Variants in MAD1L1 observed in about 807,000 individuals in gnomAD.
MAD1L1 encodes the protein mitotic arrest deficient 1 like 1, also known as mitotic spindle assembly checkpoint protein MAD1.
MAD1L1 carries 95 observed loss-of-function variants against 96.9 expected under a neutral mutation model. The observed-to-expected ratio is 0.98, with a 90% CI of 0.83 to 1.16. The LOEUF is 1.16. Among genes scored for constraint, MAD1L1 ranks in the 50% most tolerant of loss-of-function variants. The probability of loss-of-function intolerance (pLI) is 0.00; values close to 1 mark genes in which losing one functional copy is unlikely to be tolerated. For synonymous variants in MAD1L1, 473 were observed against 396.6 expected, an observed-to-expected ratio of 1.19 and a Z score of -2.29; for missense variants, 1,007 against 954.4, an observed-to-expected ratio of 1.06 and a Z score of -0.73.
intron 13 of MAD1L1, among the ~76,000 whole-genome samples, chr7:2,008,399 C>T (rs1782132997): frequency 6.6e-6 from 1 of 152,224 alleles, no homozygotes; most frequent in African/African-American, 2.4e-5. Context: ...CAGTCACCTT[C>T]GGGGGACACA....
chr7:1,826,627 G>A (rs1189709806), intron 18 of MAD1L1, among the ~76,000 whole-genome samples: 1 of 152,228 alleles, frequency 6.6e-6, no homozygotes, highest in Non-Finnish European at 1.5e-5. Context: ...GGGCCCAAAA[G>A]AGGCCTCGCA....
chr7:1,940,245 AGGC>A (rs1162628099), intron 16 of MAD1L1: 1 of 152,206 alleles, frequency 6.6e-6, no homozygotes, highest in Non-Finnish European at 1.5e-5. Context: ...GGGGAGAGGG[AGGC>A]GGCAGCCCTG....
intron 11 of MAD1L1, among the ~76,000 whole-genome samples, chr7:2,141,452 T>G (rs1044384754): frequency 6.6e-6 from 1 of 152,082 alleles, no homozygotes; most frequent in African/African-American, 2.4e-5. Flanking sequence ...CAGACCATAC[T>G]GGGGGGCCAC....
intron 18 of MAD1L1, among the ~76,000 whole-genome samples, chr7:1,834,060 T>A (rs1782831791): frequency 6.6e-6 from 1 of 152,182 alleles, no homozygotes; most frequent in Non-Finnish European, 1.5e-5. Flanking sequence ...ATGTGGAAAC[T>A]AACACACTTC....
intron 17 of MAD1L1, among the ~76,000 whole-genome samples, chr7:1,903,150 A>T (rs1172844070): frequency 6.6e-6 from 1 of 150,784 alleles, no homozygotes; most frequent in African/African-American, 2.5e-5. Context: ...CTCATGATTG[A>T]TCCAGCACTG....
At chr7:2,218,147 T>C in intron 6 of MAD1L1, 104 bp from the exon 7 acceptor site, 1 of 845,036 alleles carries the variant, frequency 1.2e-6, no homozygotes, top group South Asian at 1.4e-5. Context: ...ATACGTTCAT[T>C]CCCACCCCAA....
At chr7:1,960,543 A>T (rs947114763) in intron 15 of MAD1L1, among the ~76,000 whole-genome samples, 1 of 152,236 alleles carries the variant, frequency 6.6e-6, no homozygotes, top group Non-Finnish European at 1.5e-5. Flanking sequence ...TTCAGAGCAC[A>T]TATTATTACC....
intron 12 of MAD1L1, among the ~76,000 whole-genome samples, chr7:2,066,367 T>C (rs1784874375): frequency 6.6e-6 from 1 of 152,156 alleles, no homozygotes; most frequent in Non-Finnish European, 1.5e-5. Flanking sequence ...GATGGCTGAG[T>C]GAACAGCTTC....
chr7:1,818,506 G>A (rs1161099348), intron 18 of MAD1L1, among the ~76,000 whole-genome samples: 1 of 152,060 alleles, frequency 6.6e-6, no homozygotes, highest in Non-Finnish European at 1.5e-5. Flanking sequence ...AGCCTCCTGA[G>A]CAGTTGGAAT....
chr7:2,128,824 C>T (rs911654067), intron 11 of MAD1L1, among the ~76,000 whole-genome samples: 1 of 152,216 alleles, frequency 6.6e-6, no homozygotes, highest in African/African-American at 2.4e-5. Flanking sequence ...CACACCACGC[C>T]TCCCCAGGAG....
intron 18 of MAD1L1, among the ~76,000 whole-genome samples, chr7:1,853,893 T>C (rs1225046130): frequency 1.3e-5 from 2 of 152,130 alleles, no homozygotes; most frequent in Admixed American, 6.5e-5. Context: ...CTCTCGGCCC[T>C]GTTATCAGAA....
intron 18 of MAD1L1, among the ~76,000 whole-genome samples, chr7:1,821,587 G>A (rs1219944025): frequency 1.3e-5 from 2 of 152,114 alleles, no homozygotes; most frequent in Non-Finnish European, 2.9e-5. Flanking sequence ...ATCACACCCT[G>A]ACCAAGTGGG....
chr7:2,090,001 C>T (rs977650570), intron 11 of MAD1L1, among the ~76,000 whole-genome samples: 1 of 152,232 alleles, frequency 6.6e-6, no homozygotes, highest in Non-Finnish European at 1.5e-5. Context: ...ACCAGCTATG[C>T]AACGAAAGCT....
At chr7:1,898,434 G>A (rs565589737) in intron 17 of MAD1L1, 44 bp from the exon 18 acceptor site, 70 of 1,571,948 alleles carry the variant, frequency 4.5e-5, no homozygotes, top group East Asian at 9.0e-5. Flanking sequence ...GCACCAGGCC[G>A]GAGGGGTGGG....
intron 12 of MAD1L1, among the ~76,000 whole-genome samples, chr7:2,022,218 C>A (rs1022982889): frequency 6.6e-6 from 1 of 152,218 alleles, no homozygotes; most frequent in Admixed American, 6.5e-5. Flanking sequence ...TGAAATGAAG[C>A]AGCAGGTGGC....
intron 11 of MAD1L1, among the ~76,000 whole-genome samples, chr7:2,145,741 C>T (rs750665374): frequency 2.2e-4 from 34 of 152,212 alleles, no homozygotes; most frequent in Non-Finnish European, 4.0e-4. Flanking sequence ...TACCTTGGAA[C>T]TCCTCTGGGT....
At chr7:2,016,955 G>A (rs1167581258) in intron 12 of MAD1L1, among the ~76,000 whole-genome samples, 6 of 152,358 alleles carry the variant, frequency 3.9e-5, no homozygotes, top group East Asian at 1.9e-4. Flanking sequence ...GCGCAAGGCC[G>A]GGGCGGGGGA....
At chr7:1,950,948 A>C (rs1036780084) in intron 16 of MAD1L1, among the ~76,000 whole-genome samples, 2 of 152,356 alleles carry the variant, frequency 1.3e-5, no homozygotes, top group Admixed American at 6.5e-5. Flanking sequence ...CAGGGCACCC[A>C]CTGGCCACCC....
chr7:1,984,766 T>C (rs1003202446), intron 14 of MAD1L1, among the ~76,000 whole-genome samples: 4 of 152,250 alleles, frequency 2.6e-5, no homozygotes, highest in South Asian at 2.1e-4. Context: ...TTCCTTTTAA[T>C]AGGAGAGTTT....
Sources: gnomAD v4.1 joint callset for allele counts (sites outside exome capture counted in the v4.1 genomes callset) on GRCh38, gnomAD v4.1.1 for gene constraint, MANE v1.5 for transcripts, NCBI Gene and HGNC (gene_info 2026-07-23, HGNC 2026-07-21) for gene names.